Variants in HS1BP3 observed in about 807,000 individuals in gnomAD.
HS1BP3 encodes the protein HCLS1 binding protein 3, also known as HCLS1-binding protein 3.
A neutral mutation model predicts 33.5 loss-of-function variants in HS1BP3; 32 were observed. That is an observed-to-expected ratio of 0.95 (90% CI 0.72 to 1.28). The LOEUF is 1.28. Among genes scored for constraint, HS1BP3 ranks in the 50% most tolerant of loss-of-function variants. The probability of loss-of-function intolerance (pLI) is 0.00; values close to 1 mark genes in which losing one functional copy is unlikely to be tolerated. For synonymous variants in HS1BP3, 187 were observed against 209.2 expected (o/e 0.89, Z 0.92); for missense variants, 486 against 502.3 (o/e 0.97, Z 0.31).
chr2:20,598,539 CTTTTTTTTTTTTTTTTTTTTTTTTTT>C (rs67769731), intron 2 of HS1BP3, among the ~76,000 whole-genome samples: 3 of 63,850 alleles, frequency 4.7e-5, no homozygotes, highest in South Asian at 8.6e-4. Flanking sequence ...ACCGGTACTT[CTTTTTTTTTTTTTTTTTTTTTTTTTT>C]TTTTTTTTTT....
At chr2:20,581,834 G>A (rs1333619234) in intron 5 of HS1BP3, among the ~76,000 whole-genome samples, 2 of 152,174 alleles carry the variant, frequency 1.3e-5, no homozygotes, top group African/African-American at 4.8e-5. Flanking sequence ...GTATGCTGGG[G>A]GCCCTAGCTT....
chr2:20,567,354 A>G (rs572540291), intron 5 of HS1BP3, among the ~76,000 whole-genome samples: 1 of 152,178 alleles, frequency 6.6e-6, no homozygotes, highest in South Asian at 2.1e-4. Context: ...CCTCACACTG[A>G]TTCCTACTGG....
chr2:20,594,261 C>T (rs1337374059), intron 3 of HS1BP3, among the ~76,000 whole-genome samples: 1 of 152,184 alleles, frequency 6.6e-6, no homozygotes, highest in Non-Finnish European at 1.5e-5. Flanking sequence ...TGTGCTAAGG[C>T]TGGGTTAGAT....
At chr2:20,553,875 C>T in the HS1BP3 span, among the ~76,000 whole-genome samples, 1 of 152,204 alleles carries the variant, frequency 6.6e-6, no homozygotes, top group African/African-American at 2.4e-5. Context: ...GGTCTGAGAT[C>T]TTACCTTTTG....
intron 5 of HS1BP3, among the ~76,000 whole-genome samples, chr2:20,567,270 T>C (rs1451674332): frequency 6.6e-6 from 1 of 152,154 alleles, no homozygotes; most frequent in Admixed American, 6.5e-5. Context: ...TTCCTTCCAC[T>C]GGTCAAGCCA....
intron 5 of HS1BP3, among the ~76,000 whole-genome samples, chr2:20,572,607 T>C (rs536747850): frequency 6.6e-6 from 1 of 152,212 alleles, no homozygotes; most frequent in South Asian, 2.1e-4. Context: ...ATCTGTAAAA[T>C]GGTTAGAATT....
rs1695213353 is a variant in HS1BP3, at chr2:20,638,214, G to A, written c.623+222C>T. ...TGGAGGACATCCTGTGACCCGAGAAGGGAGGCGACACCTAAGCCCAGTCCC... is the reference window on the plus strand; with the variant it reads ...TGGAGGACATCCTGTGACCCGAGAAAGGAGGCGACACCTAAGCCCAGTCCC... On this transcript the variant is annotated intron_variant, in intron 4 of 6. Coordinates refer to ENST00000304031, the MANE Select transcript of HS1BP3 (RefSeq NM_022460.4). 16 of 596,260 alleles carry A rather than the reference G, an allele frequency of 2.7e-5. No individual in the cohort carries two copies. The South Asian group carries it at 3.1e-4, about 12-fold the overall frequency. The allele number at this position is 596,260 out of a possible 1,614,324, so 36.9% of individuals were successfully genotyped here. A position where few individuals can be genotyped will look rare whatever the true frequency, so the allele number is the denominator to read the frequency against.
In HS1BP3 at chr2:20,638,550, A is replaced by G. The variant is rs764670699; in HGVS notation, c.509T>C (p.Phe170Ser). The G allele has an allele frequency of 1.2e-6, 2 of 1,614,204 alleles. No individual in the cohort carries two copies. Among genetic ancestry groups the G allele is most frequent in the Admixed American group, 1.7e-5 (1 of 60,032 alleles). The change falls in exon 4 of 7, where the codon TTT (phenylalanine) becomes TCT (serine). Residue 170 changes from phenylalanine to serine, a missense_variant. By Grantham distance (155) the Phe-to-Ser change is radical. Coordinates refer to ENST00000304031, the MANE Select transcript of HS1BP3 (RefSeq NM_022460.4). ...TTCTGCCACTTGGTCTTGCTCCTCA[A>G]AAAAGTCGAAAGCCTCTTCATCATT... Reference protein sequence around the residue: ...TGNDEEAFDFFEEQDQVAEEG... With the variant: ...TGNDEEAFDFSEEQDQVAEEG...
At chr2:20,568,645 C>T (rs1410735240) in intron 5 of HS1BP3, among the ~76,000 whole-genome samples, 2 of 152,188 alleles carry the variant, frequency 1.3e-5, no homozygotes, top group Non-Finnish European at 2.9e-5. Flanking sequence ...ATCTGCCTGT[C>T]TGTGGCAGCA....
intron 1 of HS1BP3, among the ~76,000 whole-genome samples, chr2:20,647,087 G>C (rs1695542267): frequency 6.6e-6 from 1 of 152,128 alleles, no homozygotes; most frequent in Admixed American, 6.5e-5. Context: ...GTGACAAGAA[G>C]GGCAGTGCCT....
intron 6 of HS1BP3, among the ~76,000 whole-genome samples, chr2:20,621,578 T>C (rs889027681): frequency 6.6e-6 from 1 of 152,154 alleles, no homozygotes; most frequent in Non-Finnish European, 1.5e-5. Context: ...AGGTGCCAGC[T>C]CCACTGGCAT....
chr2:20,562,433 C>T (rs1693024847), intron 5 of HS1BP3, among the ~76,000 whole-genome samples: 1 of 152,178 alleles, frequency 6.6e-6, no homozygotes, highest in African/African-American at 2.4e-5. Flanking sequence ...GAGCTATGAT[C>T]ACTCCACTGC....
At chr2:20,563,821 C>G (rs539228948) in intron 5 of HS1BP3, among the ~76,000 whole-genome samples, 1 of 152,104 alleles carries the variant, frequency 6.6e-6, no homozygotes, top group Admixed American at 6.6e-5. Context: ...CCAGCGGTAT[C>G]GACATCCCCT....
At chr2:20,586,279 A>T (rs1693679047) in intron 5 of HS1BP3, 1 of 152,156 alleles carries the variant, frequency 6.6e-6, no homozygotes, top group Non-Finnish European at 1.5e-5. Flanking sequence ...TTTTGGCGGG[A>T]AAGATCAGAC....
chr2:20,632,838 G>A lies in HS1BP3; in HGVS notation c.623+5598C>T, dbSNP rs574879690. ...GCTGTAACAGGTGACAGGTGTACCG[G>A]CGCTCCTGGAGGGAGGTAAAGTCAT... On this transcript the variant is annotated intron_variant, in intron 4 of 6. Transcript: ENST00000304031. Among the ~76,000 whole-genome samples, 9 of 152,290 alleles carry A rather than the reference G, an allele frequency of 5.9e-5. No individual in the cohort carries two copies. In the South Asian group the frequency reaches 1.7e-3, roughly 28 times the overall value.
intron 5 of HS1BP3, among the ~76,000 whole-genome samples, chr2:20,582,130 G>A (rs2149276010): frequency 6.6e-6 from 1 of 152,318 alleles, no homozygotes; most frequent in East Asian, 1.9e-4. Context: ...AGTCACCGGT[G>A]CCCCCACACC....
chr2:20,556,645 C>G (rs1379126898), downstream of HS1BP3, among the ~76,000 whole-genome samples: 1 of 152,152 alleles, frequency 6.6e-6, no homozygotes. Flanking sequence ...TCTCAAGTCA[C>G]TAAACCTAGG....
chr2:20,594,146 A>C (rs1236087861), intron 3 of HS1BP3, among the ~76,000 whole-genome samples: 1 of 152,204 alleles, frequency 6.6e-6, no homozygotes, highest in South Asian at 2.1e-4. Context: ...TGGCTGTGCC[A>C]CTGGGTTGAG....
intron 2 of HS1BP3, among the ~76,000 whole-genome samples, chr2:20,609,463 G>C (rs999130296): frequency 6.6e-6 from 1 of 152,188 alleles, no homozygotes; most frequent in Non-Finnish European, 1.5e-5. Context: ...TCAGCTCTTG[G>C]AGCCTTCTCT....
Sources: gnomAD v4.1 joint callset for allele counts (sites outside exome capture counted in the v4.1 genomes callset) on GRCh38, gnomAD v4.1.1 for gene constraint, MANE v1.5 for transcripts, NCBI Gene and HGNC (gene_info 2026-07-23, HGNC 2026-07-21) for gene names.